The following FOXP1 variants were observed in gnomAD, a reference collection of about 807,000 sequenced individuals.
FOXP1 encodes forkhead box protein P1.
A neutral mutation model predicts 98.2 loss-of-function variants in FOXP1; 15 were observed. The observed-to-expected ratio is 0.15, with a 90% CI of 0.10 to 0.24. The LOEUF is 0.24. Among genes scored for constraint, FOXP1 ranks in the 10% least tolerant of loss-of-function variants. The probability of loss-of-function intolerance (pLI) is 1.00; values close to 1 mark genes in which losing one functional copy is unlikely to be tolerated. For synonymous variants in FOXP1, 371 were observed against 314.5 expected, an observed-to-expected ratio of 1.18 and a Z score of -1.90; for missense variants, 633 against 848.5, an observed-to-expected ratio of 0.75 and a Z score of 3.15.
intron 2 of FOXP1, among the ~76,000 whole-genome samples, chr3:71,534,543 A>C (rs1247684077): frequency 2.6e-5 from 4 of 152,262 alleles, no homozygotes; most frequent in African/African-American, 9.6e-5. Flanking sequence ...AAATGTAGTT[A>C]AAACAGCCCA....
chr3:71,535,541 A>G (rs954420143), intron 2 of FOXP1, among the ~76,000 whole-genome samples: 3 of 151,734 alleles, frequency 2.0e-5, no homozygotes, highest in Non-Finnish European at 4.4e-5. Context: ...CCCATCTCTA[A>G]CAACAACAAC....
At chr3:71,330,267 G>C (rs2076213920) in intron 4 of FOXP1, among the ~76,000 whole-genome samples, 1 of 152,122 alleles carries the variant, frequency 6.6e-6, no homozygotes, top group Non-Finnish European at 1.5e-5. Context: ...AAGGCACAAT[G>C]ATCCCACATT....
intron 7 of FOXP1, among the ~76,000 whole-genome samples, chr3:71,071,082 T>G (rs1248674282): frequency 6.6e-6 from 1 of 152,190 alleles, no homozygotes; most frequent in East Asian, 1.9e-4. Flanking sequence ...TTTCTTTCCC[T>G]AATAGTCACC....
In FOXP1 at chr3:70,955,808, A is replaced by C. The variant is rs2031619407; in HGVS notation, c.*3439T>G. 4.3e-6 allele frequency: 1 copy of C among 231,298 alleles called. No individual in the cohort carries two copies. Among genetic ancestry groups the C allele is most frequent in the East Asian group, 6.1e-5 (1 of 16,504 alleles). The allele number at this position is 231,298 out of a possible 1,614,324, so 14.3% of individuals were successfully genotyped here. On this transcript the variant is annotated 3_prime_UTR_variant, in exon 21 of 21. Transcript: ENST00000649528. ...ACAAGGGATAGGAATGTATCAAAAA[A>C]CAGATTAACACACACGCACGCGCGC...
chr3:71,419,234 C>CAAAAAA lies in FOXP1; in HGVS notation c.-167-59996_-167-59991dup, dbSNP rs36072859. The stretch of plus-strand genomic sequence containing the variant: ...TGGGTGACAGAGGGAGACTCCATCT[C>CAAAAAA]AAAAAAAAAAAAAAAAAAAAAAAAA... On this transcript the variant is annotated intron_variant, in intron 3 of 20. Coordinates refer to ENST00000649528, the MANE Select transcript of FOXP1 (RefSeq NM_001349338.3). Among the ~76,000 whole-genome samples the CAAAAAA allele has an allele frequency of 1.1e-3, 55 of 47,828 alleles. 1 individual carries two copies. Among genetic ancestry groups the CAAAAAA allele is most frequent in the African/African-American group, 5.7e-3 (54 of 9,426 alleles). 31.4% of individuals were successfully genotyped at this position (47,828 alleles called of 152,430 possible).
chr3:71,115,148 T>C (rs897690107), intron 6 of FOXP1, among the ~76,000 whole-genome samples: 5 of 151,948 alleles, frequency 3.3e-5, no homozygotes, highest in African/African-American at 1.2e-4. Flanking sequence ...AGAGGGACTA[T>C]AGATGACAGT....
chr3:71,007,996 AG>A (rs2043020577), intron 12 of FOXP1, among the ~76,000 whole-genome samples: 1 of 152,166 alleles, frequency 6.6e-6, no homozygotes, highest in Admixed American at 6.6e-5. Flanking sequence ...TTCTGCATGA[AG>A]TTTTTCTCCC....
intron 4 of FOXP1, among the ~76,000 whole-genome samples, chr3:71,346,164 T>A (rs1468224365): frequency 1.3e-5 from 2 of 152,156 alleles, no homozygotes; most frequent in Non-Finnish European, 2.9e-5. Flanking sequence ...TATAGGATAT[T>A]GGTTTCAATG....
chr3:71,011,306 C>T (rs1208954585), intron 12 of FOXP1, among the ~76,000 whole-genome samples: 3 of 152,166 alleles, frequency 2.0e-5, no homozygotes, highest in Non-Finnish European at 4.4e-5. Flanking sequence ...GCATGTAATG[C>T]AAGCCAGGGC....
At chr3:71,460,583 C>A (rs1433544569) in intron 3 of FOXP1, among the ~76,000 whole-genome samples, 1 of 152,074 alleles carries the variant, frequency 6.6e-6, no homozygotes, top group African/African-American at 2.4e-5. Context: ...ACTACAGGTG[C>A]ACACCGCCAG....
chr3:70,967,700 G>GTTTTTTTTTTT (rs1553657848), intron 19 of FOXP1, among the ~76,000 whole-genome samples: 19 of 63,634 alleles, frequency 3.0e-4, no homozygotes, highest in East Asian at 5.1e-4. Context: ...TTTTTTTTTT[G>GTTTTTTTTTTT]TTTTTTTTTG....
At chr3:71,042,679 C>G (rs1407421411) in intron 10 of FOXP1, among the ~76,000 whole-genome samples, 1 of 152,136 alleles carries the variant, frequency 6.6e-6, no homozygotes, top group Non-Finnish European at 1.5e-5. Flanking sequence ...CTGCCATTTT[C>G]TGACTATATA....
At chr3:71,499,867 A>G (rs1230713700) in intron 2 of FOXP1, among the ~76,000 whole-genome samples, 1 of 152,260 alleles carries the variant, frequency 6.6e-6, no homozygotes, top group Non-Finnish European at 1.5e-5. Context: ...CAGCTCATAA[A>G]TAAGATGCCA....
intron 7 of FOXP1, among the ~76,000 whole-genome samples, chr3:71,095,264 C>T (rs549180559): frequency 6.6e-6 from 1 of 152,280 alleles, no homozygotes; most frequent in Admixed American, 6.5e-5. Flanking sequence ...AAATATTAGA[C>T]TGCCTACTGC....
At chr3:71,153,631 T>G (rs1377933750) in intron 6 of FOXP1, among the ~76,000 whole-genome samples, 1 of 152,002 alleles carries the variant, frequency 6.6e-6, no homozygotes, top group Admixed American at 6.6e-5. Context: ...ATACACATCA[T>G]GGAATGGCCC....
rs544540176 is a variant in FOXP1, at chr3:71,563,653, T to C, written c.-298+17896A>G. On this transcript the variant is annotated intron_variant, in intron 2 of 20. Transcript: ENST00000649528. Reference sequence around the variant, plus strand: ...GTAAATTTTTCTACATTTCAGAATATGAGGATATATGTAACACAGTCTCAA... The same window carrying C: ...GTAAATTTTTCTACATTTCAGAATACGAGGATATATGTAACACAGTCTCAA... 8.5e-5 allele frequency among the ~76,000 whole-genome samples: 13 copies of C among 152,350 alleles called. 1 individual carries two copies. In the South Asian group the frequency reaches 2.7e-3, roughly 32 times the overall value.
chr3:71,000,883 T>C (rs1183253609), intron 13 of FOXP1, 89 bp downstream of exon 13: 6 of 777,976 alleles, frequency 7.7e-6, no homozygotes, highest in Non-Finnish European at 1.4e-5. Flanking sequence ...CATTCAATAA[T>C]GAGTACACAG....
At chr3:71,321,340 C>G (rs1289824676) in intron 4 of FOXP1, among the ~76,000 whole-genome samples, 1 of 152,128 alleles carries the variant, frequency 6.6e-6, no homozygotes, top group Non-Finnish European at 1.5e-5. Flanking sequence ...AACCAGTGAC[C>G]TCTAACCCTT....
At chr3:71,059,902 C>T (rs540539005) in intron 7 of FOXP1, among the ~76,000 whole-genome samples, 1 of 152,084 alleles carries the variant, frequency 6.6e-6, no homozygotes, top group Non-Finnish European at 1.5e-5. Context: ...GAGACAGCAA[C>T]TGTTTCCATC....
Sources: gnomAD v4.1 joint callset for allele counts (sites outside exome capture counted in the v4.1 genomes callset) on GRCh38, gnomAD v4.1.1 for gene constraint, MANE v1.5 for transcripts, NCBI Gene and HGNC (gene_info 2026-07-23, HGNC 2026-07-21) for gene names.